Variants in GPC6 observed in about 807,000 individuals in gnomAD.
GPC6 encodes the protein glypican 6.
A neutral mutation model predicts 55.2 loss-of-function variants in GPC6; 14 were observed. The ratio of observed to expected loss-of-function variants is 0.25; its 90% CI spans 0.17 to 0.40. The LOEUF is 0.40. GPC6 is among the 10% of genes least tolerant of loss of function. The probability of loss-of-function intolerance (pLI) is 1.00; values close to 1 mark genes in which losing one functional copy is unlikely to be tolerated. For synonymous variants in GPC6, 278 were observed against 259.6 expected (o/e 1.07, Z -0.68); for missense variants, 641 against 708.5 (o/e 0.90, Z 1.08).
At chr13:93,467,252 A>G (rs967094397) in intron 1 of GPC6, among the ~76,000 whole-genome samples, 1 of 152,202 alleles carries the variant, frequency 6.6e-6, no homozygotes, top group Non-Finnish European at 1.5e-5. Flanking sequence ...TTGCTATGTC[A>G]TGACCCCTGA....
At chr13:93,902,652 A>C (rs1237196965) in intron 3 of GPC6, among the ~76,000 whole-genome samples, 1 of 152,180 alleles carries the variant, frequency 6.6e-6, no homozygotes, top group East Asian at 1.9e-4. Context: ...TAATGGCTGT[A>C]CTAATTTATA....
intron 3 of GPC6, among the ~76,000 whole-genome samples, chr13:93,932,855 C>T (rs539324476): frequency 3.9e-4 from 60 of 152,048 alleles, no homozygotes; most frequent in African/African-American, 1.4e-3. Flanking sequence ...TAAACTTAAA[C>T]TAATGGCTTA....
chr13:93,289,874 A>G (rs1878262116), intron 1 of GPC6, among the ~76,000 whole-genome samples: 1 of 152,214 alleles, frequency 6.6e-6, no homozygotes, highest in African/African-American at 2.4e-5. Context: ...TGTACTGGTC[A>G]TGAGAGGCTG....
At chr13:93,914,355 AT>A (rs1440903224) in intron 3 of GPC6, among the ~76,000 whole-genome samples, 1 of 152,074 alleles carries the variant, frequency 6.6e-6, no homozygotes, top group African/African-American at 2.4e-5. Context: ...GCTGAGAATG[AT>A]GGTTTCCAGC....
intron 1 of GPC6, among the ~76,000 whole-genome samples, chr13:93,455,226 G>A (rs1878405452): frequency 6.6e-6 from 1 of 152,166 alleles, no homozygotes; most frequent in African/African-American, 2.4e-5. Flanking sequence ...GACCAGAAAG[G>A]GGCTCCCACA....
At chr13:93,220,238 C>A in the GPC6 span, among the ~76,000 whole-genome samples, 2 of 152,174 alleles carry the variant, frequency 1.3e-5, no homozygotes, top group African/African-American at 4.8e-5. Context: ...ACCGAATAAG[C>A]CTGTGTTGTT....
chr13:94,299,447 C>T (rs1248866182), intron 5 of GPC6, among the ~76,000 whole-genome samples: 1 of 152,238 alleles, frequency 6.6e-6, no homozygotes. Context: ...CTCCAAATTT[C>T]ATATACTGAA....
chr13:93,564,920 C>T (rs1338639814), intron 2 of GPC6, among the ~76,000 whole-genome samples: 1 of 152,116 alleles, frequency 6.6e-6, no homozygotes, highest in African/African-American at 2.4e-5. Flanking sequence ...TTTCCCTATC[C>T]TTTTCTGTGC....
intron 2 of GPC6, among the ~76,000 whole-genome samples, chr13:93,703,470 G>A (rs924898367): frequency 6.6e-6 from 1 of 151,808 alleles, no homozygotes; most frequent in African/African-American, 2.4e-5. Flanking sequence ...CTGACAAAAG[G>A]CTTTCTTGAC....
At chr13:93,328,019 GT>G (rs1404186587) in intron 1 of GPC6, among the ~76,000 whole-genome samples, 1 of 151,852 alleles carries the variant, frequency 6.6e-6, no homozygotes, top group Non-Finnish European at 1.5e-5. Context: ...GGCCATTTTG[GT>G]TTTATATTTT....
At chr13:94,068,276 A>C (rs1415469398) in intron 4 of GPC6, among the ~76,000 whole-genome samples, 2 of 151,796 alleles carry the variant, frequency 1.3e-5, no homozygotes, top group Admixed American at 6.6e-5. Flanking sequence ...AAACCATCAG[A>C]TCTTGTGAGA....
intron 1 of GPC6, among the ~76,000 whole-genome samples, chr13:93,544,468 GAGAA>G (rs1251722494): frequency 2.6e-5 from 4 of 152,162 alleles, no homozygotes; most frequent in African/African-American, 9.6e-5. Flanking sequence ...CACAGGCTGT[GAGAA>G]AGATTTTTGA....
chr13:93,866,735 G>A (rs1466042476), intron 3 of GPC6, among the ~76,000 whole-genome samples: 3 of 151,652 alleles, frequency 2.0e-5, no homozygotes, highest in Non-Finnish European at 4.4e-5. Flanking sequence ...AAGAGTGGGA[G>A]TAGGGAGAAA....
chr13:93,744,598 G>A (rs1884328987), intron 2 of GPC6, among the ~76,000 whole-genome samples: 1 of 134,246 alleles, frequency 7.4e-6, no homozygotes, highest in African/African-American at 2.9e-5. Flanking sequence ...GAAAAATAGG[G>A]TGTTGTCACC....
At chr13:93,535,422 A>G (rs146247286) in intron 1 of GPC6, among the ~76,000 whole-genome samples, 4 of 152,280 alleles carry the variant, frequency 2.6e-5, no homozygotes, top group Non-Finnish European at 4.4e-5. Flanking sequence ...GATTTCACCA[A>G]GTAAATATTT....
At chr13:94,222,503 T>TG (rs1034329949) in intron 4 of GPC6, among the ~76,000 whole-genome samples, 4 of 152,006 alleles carry the variant, frequency 2.6e-5, no homozygotes, top group African/African-American at 7.2e-5. Context: ...ACAGCTCTAG[T>TG]GGGGTATTCT....
intron 2 of GPC6, among the ~76,000 whole-genome samples, chr13:93,811,399 T>C (rs972368482): frequency 1.3e-5 from 2 of 152,206 alleles, no homozygotes; most frequent in Admixed American, 1.3e-4. Flanking sequence ...CAGTTTGATA[T>C]CTGCATCATT....
At chr13:94,363,894 T>C (rs1359065646) in intron 6 of GPC6, among the ~76,000 whole-genome samples, 2 of 152,244 alleles carry the variant, frequency 1.3e-5, no homozygotes, top group African/African-American at 4.8e-5. Flanking sequence ...AACTAGGCTT[T>C]AAAGACTTAG....
intron 1 of GPC6, among the ~76,000 whole-genome samples, chr13:93,257,279 G>C (rs1214642218): frequency 6.6e-6 from 1 of 150,720 alleles, no homozygotes; most frequent in Admixed American, 6.7e-5. Flanking sequence ...CTTAACCTGG[G>C]CAACAGAGCA....
Sources: gnomAD v4.1 joint callset for allele counts (sites outside exome capture counted in the v4.1 genomes callset) on GRCh38, gnomAD v4.1.1 for gene constraint, MANE v1.5 for transcripts, NCBI Gene and HGNC (gene_info 2026-07-23, HGNC 2026-07-21) for gene names.